MAPK10: variants seen among roughly 807,000 people sequenced by gnomAD.
MAPK10 encodes the protein mitogen-activated protein kinase 10.
Under a neutral mutation model 59.3 loss-of-function variants are expected in MAPK10, and 25 were observed. The observed-to-expected ratio is 0.42, with a 90% CI of 0.31 to 0.59. The LOEUF is 0.59. Ranked by LOEUF, MAPK10 falls within the 20% of genes least tolerant of loss-of-function variation. The probability of loss-of-function intolerance (pLI) is 0.15; values close to 1 mark genes in which losing one functional copy is unlikely to be tolerated. For missense variants in MAPK10, 351 were observed against 568.9 expected (o/e 0.62, Z 3.90); for synonymous variants, 190 against 200.5 (o/e 0.95, Z 0.44).
intron 2 of MAPK10, among the ~76,000 whole-genome samples, chr4:86,270,086 T>C (rs1234161681): frequency 6.6e-6 from 1 of 152,110 alleles, no homozygotes; most frequent in East Asian, 1.9e-4. Flanking sequence ...AGAAACATTT[T>C]TCAAAAACTT....
At chr4:86,043,911 G>A (rs1007732656) in intron 11 of MAPK10, among the ~76,000 whole-genome samples, 1 of 152,130 alleles carries the variant, frequency 6.6e-6, no homozygotes, top group African/African-American at 2.4e-5. Flanking sequence ...AAAAATCTAT[G>A]AGTTAGTAGC....
intron 2 of MAPK10, among the ~76,000 whole-genome samples, chr4:86,235,841 T>G (rs1219298305): frequency 6.6e-6 from 1 of 152,200 alleles, no homozygotes; most frequent in Non-Finnish European, 1.5e-5. Context: ...TTGTATTAGT[T>G]GTGGATTGCT....
intron 1 of MAPK10, among the ~76,000 whole-genome samples, chr4:86,384,694 A>T (rs1000494362): frequency 6.6e-6 from 1 of 152,190 alleles, no homozygotes; most frequent in African/African-American, 2.4e-5. Flanking sequence ...ATATGCTTTC[A>T]ATGTGGAGAC....
intron 1 of MAPK10, among the ~76,000 whole-genome samples, chr4:86,519,078 T>C (rs1756920558): frequency 6.6e-6 from 1 of 152,218 alleles, no homozygotes; most frequent in Admixed American, 6.5e-5. Context: ...AAGAGAAGAA[T>C]GTATATTCTG....
At chr4:86,161,234 A>G (rs2069535468) in intron 3 of MAPK10, among the ~76,000 whole-genome samples, 1 of 152,104 alleles carries the variant, frequency 6.6e-6, no homozygotes, top group Non-Finnish European at 1.5e-5. Context: ...TGCAAATGCA[A>G]TAATAAAAGT....
Position 86,294,178 on chromosome 4 carries a change from A to G in MAPK10, c.-7+60352T>C, listed in dbSNP as rs148206879. 4.9e-3 allele frequency among the ~76,000 whole-genome samples: 740 copies of G among 152,272 alleles called. 7 individuals carry two copies. Among genetic ancestry groups the G allele is most frequent in the African/African-American group, 0.017 (688 of 41,544 alleles). ...CCTTGGCAGGACTGGGCCCTGGGCTATAGCTGGTGAGTGAGTCGATAATAT... is the reference window on the plus strand; with the variant it reads ...CCTTGGCAGGACTGGGCCCTGGGCTGTAGCTGGTGAGTGAGTCGATAATAT... On this transcript the variant is annotated intron_variant, in intron 2 of 13. Coordinates refer to ENST00000641462, the MANE Select transcript of MAPK10 (RefSeq NM_138982.4).
intron 1 of MAPK10, among the ~76,000 whole-genome samples, chr4:86,425,107 T>G (rs531475684): frequency 2.0e-5 from 3 of 152,230 alleles, no homozygotes; most frequent in African/African-American, 7.2e-5. Flanking sequence ...TTTTAGAGTC[T>G]TGAAAGTCAA....
chr4:86,219,060 C>T (rs982910030), intron 2 of MAPK10, among the ~76,000 whole-genome samples: 1 of 152,188 alleles, frequency 6.6e-6, no homozygotes, highest in African/African-American at 2.4e-5. Flanking sequence ...TCCGACTTCC[C>T]CACGTTCCTG....
At chr4:86,330,288 G>C (rs1413793035) in intron 2 of MAPK10, among the ~76,000 whole-genome samples, 12 of 152,188 alleles carry the variant, frequency 7.9e-5, no homozygotes, top group Admixed American at 5.9e-4. Flanking sequence ...TTTACCAAGT[G>C]AATCAAAGCA....
At chr4:86,541,447 T>C (rs2149095294) in intron 1 of MAPK10, among the ~76,000 whole-genome samples, 1 of 152,246 alleles carries the variant, frequency 6.6e-6, no homozygotes, top group Admixed American at 6.5e-5. Context: ...GCGTGAGCTT[T>C]TTCTATTCCC....
At chr4:86,564,954 G>C (rs1760954527) in intron 1 of MAPK10, among the ~76,000 whole-genome samples, 1 of 152,118 alleles carries the variant, frequency 6.6e-6, no homozygotes, top group Non-Finnish European at 1.5e-5. Context: ...TAATGATTTG[G>C]CATCTCGAGA....
chr4:86,237,641 AC>A (rs1302583222), intron 2 of MAPK10, among the ~76,000 whole-genome samples: 1 of 152,134 alleles, frequency 6.6e-6, no homozygotes, highest in Non-Finnish European at 1.5e-5. Flanking sequence ...TTTCTTGGCC[AC>A]ATAAATGTCT....
At chr4:86,441,198 T>A (rs1749382765) in intron 1 of MAPK10, among the ~76,000 whole-genome samples, 1 of 152,212 alleles carries the variant, frequency 6.6e-6, no homozygotes. Flanking sequence ...TGCATGTATA[T>A]AATGTGTGTG....
intron 9 of MAPK10, among the ~76,000 whole-genome samples, chr4:86,083,999 G>C (rs2051224624): frequency 6.6e-6 from 1 of 152,084 alleles, no homozygotes; most frequent in Non-Finnish European, 1.5e-5. Flanking sequence ...GTCATATCAG[G>C]ATTCATCACC....
chr4:86,095,685 T>C (rs1056182085), intron 9 of MAPK10: 13 of 151,828 alleles, frequency 8.6e-5, no homozygotes, highest in African/African-American at 2.9e-4. Flanking sequence ...GTTTGAGAGG[T>C]TATCTGACTG....
intron 2 of MAPK10, among the ~76,000 whole-genome samples, chr4:86,294,196 G>A (rs1687421748): frequency 1.3e-5 from 2 of 152,132 alleles, no homozygotes; most frequent in Non-Finnish European, 2.9e-5. Flanking sequence ...TGAGTGAGTC[G>A]ATAATATGCC....
chr4:86,541,863 G>A (rs1273605354), intron 1 of MAPK10, among the ~76,000 whole-genome samples: 1 of 151,660 alleles, frequency 6.6e-6, no homozygotes, highest in Non-Finnish European at 1.5e-5. Context: ...AACTGGGTCA[G>A]TTTCTGTTAT....
At chr4:86,171,048 C>T (rs2073967925) in intron 3 of MAPK10, 2 of 151,938 alleles carry the variant, frequency 1.3e-5, no homozygotes, top group African/African-American at 4.8e-5. Context: ...CACAACATAC[C>T]GGAATCTCTG....
At chr4:86,294,851 T>C (rs2095316820) in intron 2 of MAPK10, among the ~76,000 whole-genome samples, 1 of 152,198 alleles carries the variant, frequency 6.6e-6, no homozygotes. Context: ...AGGCTTTGGC[T>C]GAGTACTGAT....
Sources: gnomAD v4.1 joint callset for allele counts (sites outside exome capture counted in the v4.1 genomes callset) on GRCh38, gnomAD v4.1.1 for gene constraint, MANE v1.5 for transcripts, NCBI Gene and HGNC (gene_info 2026-07-23, HGNC 2026-07-21) for gene names.